Variants in ZNF804A observed in about 807,000 individuals in gnomAD.
ZNF804A encodes zinc finger protein 804A.
Under a neutral mutation model 16.5 loss-of-function variants are expected in ZNF804A, and 2 were observed. The observed-to-expected ratio is 0.12, with a 90% CI of 0.05 to 0.38. The LOEUF is 0.38. Among genes scored for constraint, ZNF804A ranks in the 10% least tolerant of loss-of-function variants. ZNF804A has a pLI of 0.99. For missense variants in ZNF804A, 1,473 were observed against 1,390.7 expected, an observed-to-expected ratio of 1.06 and a Z score of -0.94; for synonymous variants, 534 against 489.6, an observed-to-expected ratio of 1.09 and a Z score of -1.20.
At chr2:184,720,304 A>T (rs556805856) in intron 1 of ZNF804A, among the ~76,000 whole-genome samples, 3 of 152,322 alleles carry the variant, frequency 2.0e-5, no homozygotes, top group Admixed American at 2.0e-4. Context: ...CCAACTTGGA[A>T]TATAAGAAAT....
intron 2 of ZNF804A, among the ~76,000 whole-genome samples, chr2:184,889,957 GT>G (rs1684955168): frequency 6.6e-6 from 1 of 151,934 alleles, no homozygotes; most frequent in African/African-American, 2.4e-5. Flanking sequence ...AAGTGTTTTT[GT>G]AACAATTTGG....
chr2:184,905,732 C>T (rs1295428432), intron 2 of ZNF804A, among the ~76,000 whole-genome samples: 1 of 152,122 alleles, frequency 6.6e-6, no homozygotes, highest in Admixed American at 6.6e-5. Flanking sequence ...ATGTTTCCAT[C>T]TAGGGGGTGA....
intron 1 of ZNF804A, among the ~76,000 whole-genome samples, chr2:184,649,199 T>C (rs1262995821): frequency 6.6e-6 from 1 of 152,018 alleles, no homozygotes; most frequent in Non-Finnish European, 1.5e-5. Context: ...AACAATAAAT[T>C]AAGGCAGAAT....
chr2:184,882,940 C>A (rs755096835), intron 2 of ZNF804A, among the ~76,000 whole-genome samples: 1 of 151,834 alleles, frequency 6.6e-6, no homozygotes, highest in African/African-American at 2.4e-5. Flanking sequence ...GAAATCAGAG[C>A]TGGATTGAAA....
chr2:184,616,311 T>C (rs1411635277), intron 1 of ZNF804A, among the ~76,000 whole-genome samples: 3 of 152,134 alleles, frequency 2.0e-5, no homozygotes, highest in Non-Finnish European at 2.9e-5. Context: ...TCTTTGTCTG[T>C]AAATAGCAAA....
At position 184,937,349 on chromosome 2, in the gene ZNF804A, C is replaced by T; in HGVS notation, c.1953C>T (p.Asp651=). 6.2e-7 allele frequency: 1 copy of T among 1,613,818 alleles called. No homozygotes were observed. Among genetic ancestry groups the T allele is most frequent in the Admixed American group, 1.7e-5 (1 of 59,960 alleles). ...KQYLAAEQLL[D]SHQLLDKRPK... ...ATTTAGCTGCAGAGCAATTATTAGA[C>T]TCACATCAGTTACTTGATAAAAGGC... is the stretch of plus-strand genomic sequence containing the variant. Residue 651 remains aspartate (D), a synonymous_variant, in exon 4 of 4, where the codon GAC becomes GAT. Transcript: ENST00000302277.
chr2:184,721,939 G>C (rs944953203), intron 1 of ZNF804A, among the ~76,000 whole-genome samples: 24 of 152,066 alleles, frequency 1.6e-4, no homozygotes, highest in African/African-American at 5.8e-4. Flanking sequence ...GCAGCAACAT[G>C]AGTGGAGCTG....
At chr2:184,798,559 A>G (rs1694673173) in intron 1 of ZNF804A, among the ~76,000 whole-genome samples, 2 of 152,042 alleles carry the variant, frequency 1.3e-5, no homozygotes, top group Admixed American at 6.6e-5. Context: ...TTGCATTTCT[A>G]TAAGTGTTTC....
chr2:184,938,316 G>C lies in ZNF804A; in HGVS notation c.2920G>C (p.Glu974Gln), dbSNP rs1349765631. Residue 974 changes from glutamate (E) to glutamine (Q), a missense_variant, in exon 4 of 4, where the codon GAA becomes CAA. Glu to Gln is a conservative substitution (Grantham distance 29). Transcript: ENST00000302277. ...SQPKSYLCHY[E>Q]LAEALPQGKM... is the part of the protein sequence containing the mutation. ...GCCTAAATCCTATCTTTGCCATTAT[G>C]AACTGGCTGAGGCCCTTCCACAAGG... The C allele has an allele frequency of 6.2e-7, 1 of 1,614,014 alleles. No individual in the cohort carries two copies. Among genetic ancestry groups the C allele is most frequent in the Non-Finnish European group, 8.5e-7 (1 of 1,180,030 alleles).
intron 2 of ZNF804A, among the ~76,000 whole-genome samples, chr2:184,906,418 G>T (rs1429420): frequency 1.3e-5 from 2 of 151,966 alleles, no homozygotes; most frequent in Admixed American, 1.3e-4. Flanking sequence ...TCCACCTCAG[G>T]TTCCCCGAGT....
At chr2:184,662,610 G>T (rs1574151979) in intron 1 of ZNF804A, among the ~76,000 whole-genome samples, 1 of 152,218 alleles carries the variant, frequency 6.6e-6, no homozygotes, top group East Asian at 1.9e-4. Flanking sequence ...CCAGTACTCT[G>T]CTGGTGCTGA....
At chr2:184,834,110 G>A (rs1695306350) in intron 1 of ZNF804A, among the ~76,000 whole-genome samples, 1 of 151,848 alleles carries the variant, frequency 6.6e-6, no homozygotes, top group Admixed American at 6.6e-5. Context: ...TCCTCATTTA[G>A]TAATTTGCAT....
rs761937104 is a variant in ZNF804A at position 184,936,742 on chromosome 2, C to T, written c.1346C>T (p.Thr449Met). 34 of 1,613,664 alleles carry T rather than the reference C, an allele frequency of 2.1e-5. No homozygotes were observed. The highest frequency in any genetic ancestry group is 6.7e-5 in the East Asian group (3 of 44,876). Residue 449 changes from threonine (T) to methionine (M), a missense_variant, in exon 4 of 4, where the codon ACG (threonine) becomes ATG (methionine). Transcript: ENST00000302277. ...WPSEMLVYTT[T>M]KPSISYSCNP... ...TCAGAAATGCTGGTTTATACAACTA[C>T]GAAACCATCAATTTCCTATAGCTGT...
chr2:184,660,578 C>T (rs1414708674), intron 1 of ZNF804A, among the ~76,000 whole-genome samples: 3 of 152,222 alleles, frequency 2.0e-5, no homozygotes, highest in Non-Finnish European at 4.4e-5. Flanking sequence ...CACAATTCTT[C>T]AATTAAAAAA....
At chr2:184,720,993 G>A (rs1477306487) in intron 1 of ZNF804A, among the ~76,000 whole-genome samples, 1 of 152,116 alleles carries the variant, frequency 6.6e-6, no homozygotes, top group Non-Finnish European at 1.5e-5. Flanking sequence ...ATACACTGAG[G>A]ATAGGACACT....
At chr2:184,749,620 T>G (rs926390709) in intron 1 of ZNF804A, among the ~76,000 whole-genome samples, 1 of 151,276 alleles carries the variant, frequency 6.6e-6, no homozygotes, top group Non-Finnish European at 1.5e-5. Context: ...TAAAAAATAT[T>G]GTATCTTTTT....
intron 1 of ZNF804A, among the ~76,000 whole-genome samples, chr2:184,748,802 A>C (rs144452177): frequency 4.0e-5 from 6 of 151,618 alleles, no homozygotes; most frequent in African/African-American, 1.4e-4. Flanking sequence ...TCTTCTGCAT[A>C]TGGTTAGCCA....
chr2:184,639,260 G>T (rs914758556), intron 1 of ZNF804A, among the ~76,000 whole-genome samples: 2 of 151,784 alleles, frequency 1.3e-5, no homozygotes, highest in Admixed American at 1.3e-4. Context: ...TTTTAGCAGA[G>T]ACGAGGTTTC....
chr2:184,934,582 T>C (rs889521886), intron 3 of ZNF804A, among the ~76,000 whole-genome samples: 1 of 152,134 alleles, frequency 6.6e-6, no homozygotes, highest in Non-Finnish European at 1.5e-5. Context: ...GCTGTTCAGT[T>C]ACACTAATCA....
Sources: gnomAD v4.1 joint callset for allele counts (sites outside exome capture counted in the v4.1 genomes callset) on GRCh38, gnomAD v4.1.1 for gene constraint, MANE v1.5 for transcripts, NCBI Gene and HGNC (gene_info 2026-07-23, HGNC 2026-07-21) for gene names.